Variants in MYH7B observed in about 807,000 individuals in gnomAD.
MYH7B encodes the protein myosin heavy chain 7B, also known as myosin-7B.
In MYH7B, 205 loss-of-function variants were observed where a neutral mutation model predicts 234.5. The ratio of observed to expected loss-of-function variants is 0.87; its 90% CI spans 0.78 to 0.98. The LOEUF (loss-of-function observed/expected upper bound fraction) is 0.98. Ranked by LOEUF, MYH7B falls within the 50% of genes least tolerant of loss-of-function variation. MYH7B has a pLI of 0.00. For missense variants in MYH7B, 2,652 were observed against 2,633.4 expected (o/e 1.01, Z -0.15); for synonymous variants, 1,193 against 1,105.0 (o/e 1.08, Z -1.58).
chr20:34,983,302 T>TC (rs1434559809), intron 10 of MYH7B, among the ~76,000 whole-genome samples: 3 of 19,058 alleles, frequency 1.6e-4, no homozygotes, highest in African/African-American at 8.1e-4. Context: ...TCTTTTCTTT[T>TC]TTTTTTTTTT....
chr20:34,988,806 CTTTTTTTT>C (rs36001113), intron 19 of MYH7B, among the ~76,000 whole-genome samples: 2 of 113,232 alleles, frequency 1.8e-5, no homozygotes, highest in African/African-American at 3.5e-5. Context: ...TCCTTTATCC[CTTTTTTTT>C]TTTTTTTTTT....
exon 28 of MYH7B, chr20:34,995,537 C>G: frequency 1.2e-6 from 2 of 1,614,156 alleles, no homozygotes; most frequent in East Asian, 2.2e-5. Flanking sequence ...GGAGCTGACA[C>G]TGGCCAAAGC....
At chr20:34,966,795 G>A (rs1224173701) in intron 2 of MYH7B, among the ~76,000 whole-genome samples, 1 of 152,144 alleles carries the variant, frequency 6.6e-6, no homozygotes, top group East Asian at 1.9e-4. Context: ...GCATGGTGAG[G>A]CACGCCTATA....
At chr20:34,977,504 T>G in intron 3 of MYH7B, 128 bp from the exon 4 acceptor site, 1 of 818,440 alleles carries the variant, frequency 1.2e-6, no homozygotes, top group Non-Finnish European at 2.0e-6. Flanking sequence ...CAATGGGAGG[T>G]AAAAATAGCC....
exon 38 of MYH7B, chr20:34,999,794 G>A (rs1468201402): frequency 3.3e-6 from 4 of 1,218,000 alleles, no homozygotes; most frequent in Non-Finnish European, 4.5e-6. Flanking sequence ...TCCACAGGGG[G>A]CCCTGGAGCT....
chr20:34,999,042 G>C lies in MYH7B; in HGVS notation c.4191-14G>C, dbSNP rs766587636. On this transcript the variant is annotated splice_polypyrimidine_tract_variant and intron_variant, in intron 35 of 44. Coordinates refer to ENST00000262873, the Ensembl canonical transcript of MYH7B. ...CCTTCCATGGTCCACACCTTGTCTG[G>C]TTCCATGGCCTAGAAAAAAGCTGGC... 1 of 1,602,340 alleles carries C rather than the reference G, an allele frequency of 6.2e-7. No homozygotes were observed. Among genetic ancestry groups the C allele is most frequent in the Admixed American group, 1.7e-5 (1 of 59,450 alleles).
chr20:34,987,133 C>G lies in MYH7B; in HGVS notation c.1009-16C>G, dbSNP rs747582684. On this transcript the variant is annotated splice_polypyrimidine_tract_variant and intron_variant, in intron 15 of 44. Transcript: ENST00000262873. ...GCCCAGACCTCTCTGAACTCGCTTT[C>G]CCTGCTGCCCCCCAGCATGCCATGG... 25 of 1,613,006 alleles carry G rather than the reference C, an allele frequency of 1.5e-5. No homozygotes were observed. Among genetic ancestry groups the G allele is most frequent in the Non-Finnish European group, 1.9e-5 (22 of 1,179,682 alleles).
intron 2 of MYH7B, among the ~76,000 whole-genome samples, chr20:34,967,308 A>G (rs902599200): frequency 6.6e-6 from 1 of 152,118 alleles, no homozygotes; most frequent in East Asian, 1.9e-4. Flanking sequence ...TTTTCAGCCC[A>G]TGGAAAAAAA....
chr20:34,985,205 C>G (rs551769524), intron 13 of MYH7B, 76 bp downstream of exon 13: 3 of 1,421,310 alleles, frequency 2.1e-6, no homozygotes, highest in African/African-American at 2.8e-5. Context: ...TCTGTCATCA[C>G]GACTTCTGGG....
intron 10 of MYH7B, among the ~76,000 whole-genome samples, chr20:34,983,977 G>A (rs1322106291): frequency 2.0e-5 from 3 of 152,206 alleles, no homozygotes. Context: ...GGGAGAAGGA[G>A]GATCTGCTCA....
chr20:34,974,226 C>CTT lies in MYH7B; in HGVS notation c.-221-1153_-221-1152dup, dbSNP rs1184689535. 4.7e-3 allele frequency among the ~76,000 whole-genome samples: 574 copies of CTT among 123,348 alleles called. 7 individuals are homozygous for CTT. Among genetic ancestry groups the CTT allele is most frequent in the African/African-American group, 0.016 (498 of 31,576 alleles). 80.9% of individuals were successfully genotyped at this position (123,348 alleles called of 152,430 possible). ...ACAGGCATGAGCCACCATGCCCAGC[C>CTT]TTTTTTTTTTTTTTTTTTTTTTAAG... On this transcript the variant is annotated intron_variant, in intron 2 of 44. Coordinates refer to ENST00000262873, the Ensembl canonical transcript of MYH7B.
chr20:34,999,858 A>C (rs2082337159), exon 38 of MYH7B: 1 of 1,612,926 alleles, frequency 6.2e-7, no homozygotes, highest in Admixed American at 1.7e-5. Context: ...GTCAAAGCAG[A>C]AGTGGACCGG....
intron 13 of MYH7B, among the ~76,000 whole-genome samples, chr20:34,985,552 C>T (rs2082004913): frequency 6.9e-6 from 1 of 144,866 alleles, no homozygotes; most frequent in South Asian, 2.2e-4. Flanking sequence ...GTGCCCCATC[C>T]TTCCAGGCAC....
At chr20:34,975,081 T>G (rs923278247) in intron 2 of MYH7B, among the ~76,000 whole-genome samples, 2 of 152,198 alleles carry the variant, frequency 1.3e-5, no homozygotes, top group Non-Finnish European at 2.9e-5. Flanking sequence ...AGTATTATAT[T>G]GTGGATCAAG....
At chr20:34,991,287 T>G (rs991423351) in intron 24 of MYH7B, among the ~76,000 whole-genome samples, 166 bp downstream of exon 24, 1 of 152,140 alleles carries the variant, frequency 6.6e-6, no homozygotes, top group African/African-American at 2.4e-5. Context: ...GGCTCAGACC[T>G]GGCCGGGGAC....
intron 2 of MYH7B, among the ~76,000 whole-genome samples, chr20:34,960,919 G>C (rs902254008): frequency 8.5e-5 from 13 of 152,138 alleles, no homozygotes; most frequent in Non-Finnish European, 1.6e-4. Flanking sequence ...CTATTTTACC[G>C]AGAAGAAACA....
rs375899583 is a variant in MYH7B, at chr20:34,985,156, A to T, written c.805+27A>T. On this transcript the variant is annotated intron_variant, in intron 13 of 44. Transcript: ENST00000262873. The stretch of plus-strand genomic sequence containing the variant: ...TGAGTCAACCCCCTGCGGGCGGTGC[A>T]GGGGAAGGAGGCCTGAGCCCGGTCA... 59 of 1,610,540 alleles carry T rather than the reference A, an allele frequency of 3.7e-5. No homozygotes were observed. The African/African-American group carries it at 5.5e-4, about 15-fold the overall frequency.
In MYH7B at chr20:34,962,722, G is replaced by A. The variant is rs558607546; in HGVS notation, c.-222+4510G>A. On this transcript the variant is annotated intron_variant, in intron 2 of 44. Transcript: ENST00000262873. Reference sequence around the variant, plus strand: ...AGCTCACTGCAGCCTTGAACTCCTCGGTTCAAGGGATCCTCCTGTCTCAGC... The same window carrying A: ...AGCTCACTGCAGCCTTGAACTCCTCAGTTCAAGGGATCCTCCTGTCTCAGC... Among the ~76,000 whole-genome samples, 3 of 152,154 alleles carry A rather than the reference G, an allele frequency of 2.0e-5. No homozygotes were observed. The East Asian group carries it at 5.8e-4, about 29-fold the overall frequency.
chr20:34,994,089 C>T, intron 26 of MYH7B, 57 bp from the exon 27 acceptor site: 2 of 1,590,534 alleles, frequency 1.3e-6, no homozygotes, highest in Non-Finnish European at 1.7e-6. Flanking sequence ...TGCTGAGTGT[C>T]ACCATTTGTG....
Sources: gnomAD v4.1 joint callset for allele counts (sites outside exome capture counted in the v4.1 genomes callset) on GRCh38, gnomAD v4.1.1 for gene constraint, MANE v1.5 for transcripts, NCBI Gene and HGNC (gene_info 2026-07-23, HGNC 2026-07-21) for gene names.